Variants in MYB observed in about 807,000 individuals in gnomAD.
MYB encodes the protein MYB proto-oncogene, transcription factor.
In MYB, 28 loss-of-function variants were observed where a neutral mutation model predicts 92.9. The observed-to-expected ratio is 0.30, with a 90% confidence interval of 0.22 to 0.41. The LOEUF is 0.41. MYB is among the 10% of genes least tolerant of loss of function. MYB has a pLI of 1.00. For missense variants in MYB, 679 were observed against 929.3 expected (o/e 0.73, Z 3.50); for synonymous variants, 295 against 329.1 (o/e 0.90, Z 1.12).
At chr6:135,216,583 AT>A (rs1248240719) in intron 15 of MYB, among the ~76,000 whole-genome samples, 2 of 152,064 alleles carry the variant, frequency 1.3e-5, no homozygotes, top group Non-Finnish European at 2.9e-5. Flanking sequence ...CACAGCAATT[AT>A]TTTTTTCTGA....
chr6:135,217,368 T>C (rs1780597011), intron 15 of MYB, among the ~76,000 whole-genome samples: 1 of 112,064 alleles, frequency 8.9e-6, no homozygotes, highest in Non-Finnish European at 2.1e-5. Flanking sequence ...TGACTCTGTC[T>C]CAAAAAAAAA....
chr6:135,201,635 T>G lies in MYB; in HGVS notation c.1951-4T>G, dbSNP rs1180097051. ...ACAACAAAGCACTTTCTATATGCTT[T>G]TAGGTGGAATCTCCAACTGATAAAT... On this transcript the variant is annotated splice_polypyrimidine_tract_variant and splice_region_variant and intron_variant, in intron 13 of 15. Coordinates refer to ENST00000341911, the MANE Select transcript of MYB (RefSeq NM_001130173.2). 1 of 1,599,428 alleles carries G rather than the reference T, an allele frequency of 6.3e-7. No homozygotes were observed. Among genetic ancestry groups the G allele is most frequent in the Non-Finnish European group, 8.6e-7 (1 of 1,168,774 alleles).
At position 135,203,276 on chromosome 6, in the gene MYB, C is replaced by G. The variant is rs114303912; in HGVS notation, c.2121C>G (p.Leu707=). ...CATCAGAAGATGAAGACAATGTTCTCAAAGCATTTACAGTACCTAAAAACA... is the reference window on the plus strand; with the variant it reads ...CATCAGAAGATGAAGACAATGTTCTGAAAGCATTTACAGTACCTAAAAACA... The part of the protein sequence containing the change: ...APASEDEDNV[L]KAFTVPKNRS... The change falls in exon 15 of 16, where the codon CTC becomes CTG. Residue 707 remains leucine (L), a synonymous_variant. Coordinates refer to ENST00000341911, the MANE Select transcript of MYB (RefSeq NM_001130173.2). 7 of 1,611,784 alleles carry G rather than the reference C, an allele frequency of 4.3e-6. No homozygotes were observed. The South Asian group carries it at 6.6e-5, about 15-fold the overall frequency.
Position 135,196,083 on chromosome 6 carries a change from A to G in MYB, c.1203+81A>G, listed in dbSNP as rs187379418. ...ATTTCTTAAATCATTGCCATTTTCT[A>G]TAGCCAAGCTGTTATTAGCATATAT... On this transcript the variant is annotated intron_variant, in intron 9 of 15. Transcript: ENST00000341911. 287 of 1,413,588 alleles carry G rather than the reference A, an allele frequency of 2.0e-4. 1 individual carries two copies. The African/African-American group carries it at 3.0e-3, about 15-fold the overall frequency. 87.6% of individuals were successfully genotyped at this position (1,413,588 alleles called of 1,614,324 possible).
Position 135,198,993 on chromosome 6 carries a change from C to G in MYB, c.1652C>G (p.Thr551Ser). 6.2e-7 allele frequency: 1 copy of G among 1,612,220 alleles called. No homozygotes were observed. The highest frequency in any genetic ancestry group is 8.5e-7 in the Non-Finnish European group (1 of 1,178,580). Reference sequence around the variant, plus strand: ...ACCCCCCTCATTGGTCACAAATTGACTGTTACAACACCATTTCATAGAGAC... The same window carrying G: ...ACCCCCCTCATTGGTCACAAATTGAGTGTTACAACACCATTTCATAGAGAC... ...TSTPLIGHKLTVTTPFHRDQT... is the reference protein window; with the variant it reads ...TSTPLIGHKLSVTTPFHRDQT... Residue 551 changes from threonine to serine, a missense_variant, in exon 11 of 16, where the codon ACT (threonine) becomes AGT (serine). Transcript: ENST00000341911.
chr6:135,217,740 T>G (rs1780651062), intron 15 of MYB, 124 bp from the exon 16 acceptor site: 1 of 744,056 alleles, frequency 1.3e-6, no homozygotes, highest in Non-Finnish European at 2.4e-6. Context: ...GGAGGTAAGA[T>G]TCTATCTGAC....
At chr6:135,194,730 G>A in intron 8 of MYB, 1 of 579,162 alleles carries the variant, frequency 1.7e-6, no homozygotes, top group Admixed American at 3.5e-5. Context: ...ACTATAATCA[G>A]TTTAAAGACT....
At chr6:135,212,224 CTTTTTTTTTTT>C (rs545704827) in intron 15 of MYB, among the ~76,000 whole-genome samples, 589 of 32,944 alleles carry the variant, frequency 0.018, 10 homozygotes, top group African/African-American at 0.065. Flanking sequence ...TTTGGTTTTA[CTTTTTTTTTTT>C]TTTTTTTTTT....
At chr6:135,212,893 G>T (rs1779938140) in intron 15 of MYB, among the ~76,000 whole-genome samples, 1 of 152,198 alleles carries the variant, frequency 6.6e-6, no homozygotes, top group Admixed American at 6.5e-5. Flanking sequence ...AATTCTTTCT[G>T]CATGAAAAGT....
At chr6:135,208,334 A>C (rs188511341) in intron 15 of MYB, among the ~76,000 whole-genome samples, 43 of 150,890 alleles carry the variant, frequency 2.8e-4, no homozygotes, top group African/African-American at 9.7e-4. Context: ...GCCTTGGCCT[A>C]CCAAAGTGCT....
chr6:135,199,347 G>A (rs566069118), intron 11 of MYB, among the ~76,000 whole-genome samples: 1 of 152,102 alleles, frequency 6.6e-6, no homozygotes, highest in Admixed American at 6.5e-5. Context: ...CCTCCATAAG[G>A]CCTTCTTATG....
rs767843213 is a variant in MYB at position 135,199,079 on chromosome 6, T to G, written c.1709+29T>G. 2.0e-6 allele frequency: 3 copies of G among 1,509,144 alleles called. No homozygotes were observed. The South Asian group carries it at 3.8e-5, about 19-fold the overall frequency. The allele number at this position is 1,509,144 out of a possible 1,614,324, so 93.5% of individuals were successfully genotyped here. A position where few individuals can be genotyped will look rare whatever the true frequency, so the allele number is the denominator to read the frequency against. ...AGTCTTTGGTTCAGGAATAAAATGA[T>G]TTATCTTATTTACTTATATTTAATT... is the stretch of plus-strand genomic sequence containing the variant. On this transcript the variant is annotated intron_variant, in intron 11 of 15. Transcript: ENST00000341911.
At chr6:135,205,736 A>T (rs1443769556) in intron 15 of MYB, among the ~76,000 whole-genome samples, 1 of 152,228 alleles carries the variant, frequency 6.6e-6, no homozygotes, top group South Asian at 2.1e-4. Context: ...TGTCTAAACC[A>T]TATAGTTTAC....
At position 135,192,318 on chromosome 6, in the gene MYB, G is replaced by A; in HGVS notation, c.528-6G>A. The A allele has an allele frequency of 6.2e-7, 1 of 1,608,518 alleles. No homozygotes were observed. On this transcript the variant is annotated splice_region_variant and splice_polypyrimidine_tract_variant and intron_variant, in intron 5 of 15. Transcript: ENST00000341911. ...TGTGAAATTTGTGTGATATATTTCT[G>A]TGCAGAACTGATAATGCTATCAAGA...
rs1008964954 is a variant in MYB, at chr6:135,182,538, G to A, written c.23+1002G>A. ...CCGCGGGCTCTGCCCCCAGGCGAAA[G>A]GTCCCTGCGCGGCGCGCACACGTGG... On this transcript the variant is annotated intron_variant, in intron 1 of 15. Transcript: ENST00000341911. This position sits in a 1 kb window ranked among gnomAD's most constrained non-coding sequence, Gnocchi z 5.6. Among the ~76,000 whole-genome samples, 6 of 152,158 alleles carry A rather than the reference G, an allele frequency of 3.9e-5. No homozygotes were observed. Among genetic ancestry groups the A allele is most frequent in the African/African-American group, 1.4e-4 (6 of 41,460 alleles).
chr6:135,218,290 C>A lies in MYB; in HGVS notation c.*310C>A. ...ATGATTTATCTGTATTTTAAAGGAT[C>A]CAACAGATCAGTATTTTTTCCTGTG... On this transcript the variant is annotated 3_prime_UTR_variant, in exon 16 of 16. Coordinates refer to ENST00000341911, the MANE Select transcript of MYB (RefSeq NM_001130173.2). The A allele has an allele frequency of 3.3e-6, 1 of 304,616 alleles. No homozygotes were observed. The highest frequency in any genetic ancestry group is 4.6e-5 in the South Asian group (1 of 21,740). 18.9% of individuals were successfully genotyped at this position (304,616 alleles called of 1,614,324 possible). A position where few individuals can be genotyped will look rare whatever the true frequency, so the allele number is the denominator to read the frequency against.
rs1462656853 is a variant in MYB, at chr6:135,203,265, G to C, written c.2110G>C (p.Asp704His). The C allele has an allele frequency of 6.2e-7, 1 of 1,612,106 alleles. No individual in the cohort carries two copies. The change falls in exon 15 of 16, where the codon GAC (aspartate) becomes CAC (histidine). Residue 704 changes from aspartate (D) to histidine (H), a missense_variant. By Grantham distance (81) the Asp-to-His change is moderately conservative. This residue lies in a region of MYB where 402 missense variants were observed against 434.2 expected (regional missense o/e 0.93). Transcript: ENST00000341911. Reference protein sequence around the residue: ...VLMAPASEDEDNVLKAFTVPK... With the variant: ...VLMAPASEDEHNVLKAFTVPK... The stretch of plus-strand genomic sequence containing the variant: ...AATGGCACCAGCATCAGAAGATGAA[G>C]ACAATGTTCTCAAAGCATTTACAGT...
At chr6:135,210,820 A>G (rs1189729391) in intron 15 of MYB, among the ~76,000 whole-genome samples, 2 of 152,254 alleles carry the variant, frequency 1.3e-5, no homozygotes, top group African/African-American at 2.4e-5. Flanking sequence ...GCCACTATAC[A>G]CAGGTGATAT....
intron 11 of MYB, 109 bp from the exon 12 acceptor site, chr6:135,199,976 C>T (rs1298917406): frequency 2.5e-5 from 21 of 841,524 alleles, no homozygotes; most frequent in East Asian, 2.0e-4. Flanking sequence ...ATTCCATATC[C>T]GGAACAGAGT....
Sources: gnomAD v4.1 joint callset for allele counts (sites outside exome capture counted in the v4.1 genomes callset) on GRCh38, gnomAD v4.1.1 for gene constraint, gnomAD v4.1.1 regional missense constraint, Gnocchi (gnomAD v3.1) non-coding constraint, MANE v1.5 for transcripts, NCBI Gene and HGNC (gene_info 2026-07-23, HGNC 2026-07-21) for gene names.